The following OPRM1 variants were observed in gnomAD, a reference collection of about 807,000 sequenced individuals.
OPRM1 encodes mu-type opioid receptor.
Under a neutral mutation model 31.8 loss-of-function variants are expected in OPRM1, and 27 were observed. The ratio of observed to expected loss-of-function variants is 0.85; its 90% CI spans 0.63 to 1.17. OPRM1 has a LOEUF of 1.17. OPRM1 is among the 50% of genes most tolerant of loss of function. The pLI is 0.00. For missense variants in OPRM1, 536 were observed against 511.1 expected, an observed-to-expected ratio of 1.05 and a Z score of -0.47; for synonymous variants, 196 against 189.9, an observed-to-expected ratio of 1.03 and a Z score of -0.26.
In OPRM1 at chr6:154,139,717, A is replaced by G. The variant is rs888166337; in HGVS notation, c.1164+48245A>G. Among the ~76,000 whole-genome samples, 117 of 152,200 alleles carry G rather than the reference A, an allele frequency of 7.7e-4. 1 individual carries two copies. Among genetic ancestry groups the G allele is most frequent in the Non-Finnish European group, 8.7e-4 (59 of 68,038 alleles). On this transcript the variant is annotated intron_variant, in intron 3 of 3. Coordinates refer to the OPRM1 transcript ENST00000337049. The stretch of plus-strand genomic sequence containing the variant: ...GTCAGTGGTCGGTTAATATATTTTC[A>G]GAGGAGCAATCAGAGTGAAAGACAC...
Position 154,118,793 on chromosome 6 carries a change from G to T in OPRM1, c.*72G>T. ...TGTATGTGGAAGCAGGTTGCTTCAA[G>T]AATGTGTAGGAGGCTCTAATTCTCT... On this transcript the variant is annotated 3_prime_UTR_variant, in exon 4 of 4. Transcript: ENST00000330432. 6.2e-7 allele frequency: 1 copy of T among 1,601,730 alleles called. No homozygotes were observed. The highest frequency in any genetic ancestry group is 1.1e-5 in the South Asian group (1 of 89,412).
At chr6:154,223,635 A>G (rs568407746) in intron 3 of OPRM1, among the ~76,000 whole-genome samples, 1 of 152,356 alleles carries the variant, frequency 6.6e-6, no homozygotes, top group East Asian at 1.9e-4. Flanking sequence ...GCACACAGGA[A>G]GAAACCTAAC....
At chr6:154,071,514 T>C (rs540931481) in intron 1 of OPRM1, among the ~76,000 whole-genome samples, 1 of 151,946 alleles carries the variant, frequency 6.6e-6, no homozygotes. Context: ...CTATTATCCA[T>C]GCTCACCAGC....
chr6:154,195,314 A>T (rs2128586335), intron 3 of OPRM1, among the ~76,000 whole-genome samples: 1 of 151,742 alleles, frequency 6.6e-6, no homozygotes, highest in South Asian at 2.1e-4. Context: ...CACCTGGCTA[A>T]TTTTTTGTGT....
intron 3 of OPRM1, among the ~76,000 whole-genome samples, chr6:154,169,825 G>A (rs569512456): frequency 5.3e-5 from 8 of 152,338 alleles, no homozygotes; most frequent in African/African-American, 1.7e-4. Context: ...TGTGCCTCTG[G>A]TCAGGCCATT....
chr6:154,034,560 T>TAAATA (rs1194541878), upstream of OPRM1, among the ~76,000 whole-genome samples: 1 of 151,946 alleles, frequency 6.6e-6, no homozygotes. Context: ...AATAAATAAA[T>TAAATA]AAATAAAATA....
chr6:154,095,469 C>A (rs1377966446), intron 3 of OPRM1, among the ~76,000 whole-genome samples: 1 of 152,222 alleles, frequency 6.6e-6, no homozygotes, highest in East Asian at 1.9e-4. Flanking sequence ...AACCCTCTTA[C>A]CGTCAGTAAT....
chr6:154,173,753 A>G (rs1800065996), intron 3 of OPRM1, among the ~76,000 whole-genome samples: 1 of 152,254 alleles, frequency 6.6e-6, no homozygotes, highest in Non-Finnish European at 1.5e-5. Flanking sequence ...ACTCTTCAGG[A>G]TATTATCCAG....
chr6:154,045,161 G>C (rs1175582150), intron 1 of OPRM1, among the ~76,000 whole-genome samples: 1 of 151,970 alleles, frequency 6.6e-6, no homozygotes, highest in African/African-American at 2.4e-5. Context: ...AGAGGCAAAG[G>C]CTGCAGCGAG....
chr6:154,192,883 G>A (rs1802044126), intron 3 of OPRM1, among the ~76,000 whole-genome samples: 1 of 152,092 alleles, frequency 6.6e-6, no homozygotes, highest in African/African-American at 2.4e-5. Flanking sequence ...TTGGTGTGGA[G>A]GTGGTGAACA....
chr6:154,080,797 G>C (rs555256381), intron 1 of OPRM1, among the ~76,000 whole-genome samples: 1 of 152,234 alleles, frequency 6.6e-6, no homozygotes, highest in Admixed American at 6.5e-5. Flanking sequence ...TACATCCAAA[G>C]TGTCAACACC....
intron 1 of OPRM1, among the ~76,000 whole-genome samples, chr6:154,018,040 A>C (rs912348319): frequency 3.9e-5 from 6 of 152,188 alleles, no homozygotes; most frequent in Non-Finnish European, 7.4e-5. Context: ...CACAGACAAA[A>C]GATTCACTGA....
intron 1 of OPRM1, among the ~76,000 whole-genome samples, chr6:154,055,180 G>A (rs913617369): frequency 6.6e-6 from 1 of 152,188 alleles, no homozygotes; most frequent in African/African-American, 2.4e-5. Flanking sequence ...TTGAGGTCAG[G>A]ACTTCAAGAC....
At position 154,132,263 on chromosome 6, in the gene OPRM1, A is replaced by T. The variant is rs1797939370; in HGVS notation, c.*13542A>T. Among the ~76,000 whole-genome samples the T allele has an allele frequency of 6.6e-6, 1 of 152,246 alleles. No individual in the cohort carries two copies. Among genetic ancestry groups the T allele is most frequent in the Non-Finnish European group, 1.5e-5 (1 of 68,038 alleles). On this transcript the variant is annotated 3_prime_UTR_variant, in exon 4 of 4. Coordinates refer to ENST00000330432, the MANE Select transcript of OPRM1 (RefSeq NM_000914.5). ...ATTGTATTGTTCTTGATGTACCAGC[A>T]TACATAAACATATTAGGCTGTATTG...
At chr6:154,191,242 G>T in intron 3 of OPRM1, among the ~76,000 whole-genome samples, 1 of 152,158 alleles carries the variant, frequency 6.6e-6, no homozygotes, top group Non-Finnish European at 1.5e-5. Context: ...CCTGGGAGAA[G>T]GGTAGAAGGA....
At chr6:154,043,909 A>G (rs1432330233) in intron 1 of OPRM1, among the ~76,000 whole-genome samples, 1 of 152,134 alleles carries the variant, frequency 6.6e-6, no homozygotes, top group Non-Finnish European at 1.5e-5. Context: ...TGTCTTCTAA[A>G]CACACTAAAT....
chr6:154,034,023 G>A (rs371221197), intron 1 of OPRM1, among the ~76,000 whole-genome samples: 6 of 152,130 alleles, frequency 3.9e-5, no homozygotes, highest in African/African-American at 1.4e-4. Context: ...CACGAAAGAA[G>A]TTCCACTTTT....
At chr6:154,149,023 A>T (rs1798427373) in intron 3 of OPRM1, among the ~76,000 whole-genome samples, 1 of 152,170 alleles carries the variant, frequency 6.6e-6, no homozygotes, top group Non-Finnish European at 1.5e-5. Flanking sequence ...ACACTTGCCC[A>T]AGTAAATGGT....
chr6:154,035,445 AAGTT>A (rs1779248090), upstream of OPRM1, among the ~76,000 whole-genome samples: 1 of 152,172 alleles, frequency 6.6e-6, no homozygotes, highest in South Asian at 2.1e-4. Flanking sequence ...GCCCATTTAA[AAGTT>A]AGATAACATA....
Sources: allele counts gnomAD v4.1 joint callset (sites outside exome capture counted in the v4.1 genomes callset), GRCh38; gene constraint gnomAD v4.1.1; transcripts MANE v1.5; gene names NCBI Gene and HGNC (gene_info 2026-07-23, HGNC 2026-07-21).